HTR4: variants seen among roughly 807,000 people sequenced by gnomAD.
HTR4 encodes the protein 5-hydroxytryptamine receptor 4, also known as 5-hydroxytryptamine (serotonin) receptor 4, G protein-coupled.
A neutral mutation model predicts 36.8 loss-of-function variants in HTR4; 16 were observed. The observed-to-expected ratio is 0.43, with a 90% CI of 0.29 to 0.66. HTR4 has a LOEUF of 0.66. Ranked by LOEUF, HTR4 falls within the 30% of genes least tolerant of loss-of-function variation. HTR4 has a pLI of 0.13. For synonymous variants in HTR4, 189 were observed against 185.1 expected, an observed-to-expected ratio of 1.02 and a Z score of -0.17; for missense variants, 438 against 490.9, an observed-to-expected ratio of 0.89 and a Z score of 1.02.
intron 5 of HTR4, among the ~76,000 whole-genome samples, chr5:148,513,202 A>G (rs1276835494): frequency 1.3e-5 from 2 of 152,012 alleles, no homozygotes; most frequent in East Asian, 1.9e-4. Flanking sequence ...TGTGGCTCAG[A>G]CTGGTCTCAA....
intron 5 of HTR4, among the ~76,000 whole-genome samples, chr5:148,466,655 A>G (rs1755438163): frequency 6.6e-6 from 1 of 152,248 alleles, no homozygotes; most frequent in African/African-American, 2.4e-5. Flanking sequence ...ACATCTACAC[A>G]TAGAGACATT....
At chr5:148,586,597 G>T (rs899384978) in intron 2 of HTR4, among the ~76,000 whole-genome samples, 2 of 151,984 alleles carry the variant, frequency 1.3e-5, no homozygotes, top group Admixed American at 6.6e-5. Flanking sequence ...TTCCAGGATC[G>T]CATCACCTCC....
At chr5:148,508,427 AC>A (rs1306926169) in intron 6 of HTR4, among the ~76,000 whole-genome samples, 1 of 152,166 alleles carries the variant, frequency 6.6e-6, no homozygotes, top group Non-Finnish European at 1.5e-5. Flanking sequence ...TAGACACTGA[AC>A]ATTTAACTCC....
intron 4 of HTR4, among the ~76,000 whole-genome samples, chr5:148,544,543 T>C (rs1759291133): frequency 6.6e-6 from 1 of 152,178 alleles, no homozygotes; most frequent in Non-Finnish European, 1.5e-5. Context: ...ACTAGTACTC[T>C]ATCATGACTA....
downstream of HTR4, chr5:148,476,887 T>G: frequency 7.5e-7 from 1 of 1,324,574 alleles, no homozygotes; most frequent in South Asian, 1.5e-5. Context: ...TGGAAAAGAC[T>G]TCAGGTAGGA....
intron 4 of HTR4, among the ~76,000 whole-genome samples, chr5:148,529,324 C>T (rs547182004): frequency 7.4e-4 from 112 of 152,218 alleles, no homozygotes; most frequent in African/African-American, 2.6e-3. Context: ...GATTGTGGCT[C>T]CCACAATTCC....
At chr5:148,566,659 T>C (rs1213195306) in intron 2 of HTR4, among the ~76,000 whole-genome samples, 1 of 152,188 alleles carries the variant, frequency 6.6e-6, no homozygotes, top group East Asian at 1.9e-4. Flanking sequence ...ATCTGAATGT[T>C]GTAGAGTAAC....
chr5:148,554,424 A>G (rs542892959), intron 2 of HTR4, among the ~76,000 whole-genome samples: 2 of 152,362 alleles, frequency 1.3e-5, no homozygotes, highest in South Asian at 4.1e-4. Context: ...CTTAAAAATA[A>G]ATGAAACAAA....
At chr5:148,502,474 C>T (rs935127542) in intron 6 of HTR4, among the ~76,000 whole-genome samples, 7 of 152,120 alleles carry the variant, frequency 4.6e-5, no homozygotes, top group Non-Finnish European at 8.8e-5. Flanking sequence ...ACAGAAAGGA[C>T]ATCCACACCA....
intron 2 of HTR4, among the ~76,000 whole-genome samples, chr5:148,567,776 A>G (rs1760508465): frequency 6.6e-6 from 1 of 152,156 alleles, no homozygotes; most frequent in Non-Finnish European, 1.5e-5. Flanking sequence ...CATTTTCCTG[A>G]CTATTCTAAT....
chr5:148,457,951 A>AT (rs1755151968), intron 5 of HTR4, among the ~76,000 whole-genome samples: 2 of 136,204 alleles, frequency 1.5e-5, no homozygotes, highest in Admixed American at 7.7e-5. Flanking sequence ...AAGATATATT[A>AT]AATATATATT....
intron 5 of HTR4, among the ~76,000 whole-genome samples, chr5:148,520,002 T>C (rs1757936407): frequency 6.6e-6 from 1 of 152,172 alleles, no homozygotes; most frequent in East Asian, 1.9e-4. Flanking sequence ...ATAAATTAAA[T>C]AGGTGTTTTT....
At chr5:148,547,895 C>T (rs534845012) in intron 4 of HTR4, among the ~76,000 whole-genome samples, 1 of 152,290 alleles carries the variant, frequency 6.6e-6, no homozygotes, top group African/African-American at 2.4e-5. Flanking sequence ...GAGAGCTAAC[C>T]CCTAAGATAC....
At chr5:148,588,500 G>A (rs1581514182) in intron 2 of HTR4, among the ~76,000 whole-genome samples, 1 of 144,722 alleles carries the variant, frequency 6.9e-6, no homozygotes. Context: ...AAAAGTCAGT[G>A]TATATCATTC....
intron 4 of HTR4, among the ~76,000 whole-genome samples, chr5:148,533,613 A>G (rs1758677288): frequency 6.6e-6 from 1 of 152,208 alleles, no homozygotes; most frequent in African/African-American, 2.4e-5. Flanking sequence ...ATAAGTTGGA[A>G]TTCTAGACTG....
At chr5:148,459,506 C>G (rs1352904969) in intron 5 of HTR4, among the ~76,000 whole-genome samples, 1 of 152,112 alleles carries the variant, frequency 6.6e-6, no homozygotes, top group East Asian at 1.9e-4. Context: ...CCTTAAGCCA[C>G]CCAAGAACCA....
chr5:148,507,564 A>G (rs1209512278), intron 6 of HTR4, among the ~76,000 whole-genome samples: 1 of 138,592 alleles, frequency 7.2e-6, no homozygotes, highest in African/African-American at 3.2e-5. Context: ...TACTCATACC[A>G]TATAAGTTTC....
chr5:148,500,416 T>C (rs1168829223), intron 6 of HTR4, among the ~76,000 whole-genome samples: 2 of 152,130 alleles, frequency 1.3e-5, no homozygotes, highest in East Asian at 3.9e-4. Flanking sequence ...AAAAAGTTGC[T>C]GGTGAGTTAG....
chr5:148,534,479 C>T (rs181242116), intron 4 of HTR4, among the ~76,000 whole-genome samples: 1 of 152,300 alleles, frequency 6.6e-6, no homozygotes, highest in Admixed American at 6.5e-5. Context: ...CATCCCCTGC[C>T]AGAGGTATTG....
Sources: gnomAD v4.1 joint callset for allele counts (sites outside exome capture counted in the v4.1 genomes callset) on GRCh38, gnomAD v4.1.1 for gene constraint, MANE v1.5 for transcripts, NCBI Gene and HGNC (gene_info 2026-07-23, HGNC 2026-07-21) for gene names.